Variants in HRH1 observed in about 807,000 individuals in gnomAD.
HRH1 encodes the protein histamine H1 receptor.
In HRH1, 6 loss-of-function variants were observed where a neutral mutation model predicts 10.3. The ratio of observed to expected loss-of-function variants is 0.58; its 90% confidence interval spans 0.32 to 1.15. The LOEUF (loss-of-function observed/expected upper bound fraction) is 1.15, where lower values mean the gene tolerates loss of function less well. Among genes scored for constraint, HRH1 ranks in the 50% most tolerant of loss-of-function variants. The probability of loss-of-function intolerance (pLI) is 0.05; values close to 1 mark genes in which losing one functional copy is unlikely to be tolerated. For synonymous variants in HRH1, 242 were observed against 236.7 expected (o/e 1.02, Z -0.21); for missense variants, 514 against 615.3 (o/e 0.84, Z 1.74).
intron 1 of HRH1, among the ~76,000 whole-genome samples, chr3:11,230,818 A>G (rs1477459638): frequency 2.6e-5 from 4 of 152,070 alleles, no homozygotes; most frequent in Non-Finnish European, 4.4e-5. Flanking sequence ...TAAGCCTTTT[A>G]GGAACACTCA....
chr3:11,197,202 G>A (rs1369628967), intron 1 of HRH1, among the ~76,000 whole-genome samples: 1 of 151,510 alleles, frequency 6.6e-6, no homozygotes, highest in African/African-American at 2.4e-5. Flanking sequence ...AAGATCCCCC[G>A]GTGATTCATG....
At chr3:11,166,318 C>T (rs1247184841) in intron 1 of HRH1, among the ~76,000 whole-genome samples, 1 of 152,220 alleles carries the variant, frequency 6.6e-6, no homozygotes, top group Non-Finnish European at 1.5e-5. Flanking sequence ...GAGAAACGCT[C>T]TTCCCAAGTT....
chr3:11,240,361 A>G (rs1454038497), intron 1 of HRH1, among the ~76,000 whole-genome samples: 1 of 152,024 alleles, frequency 6.6e-6, no homozygotes, highest in Non-Finnish European at 1.5e-5. Context: ...AAAACTCCAG[A>G]TTTTGTGTTT....
intron 1 of HRH1, among the ~76,000 whole-genome samples, chr3:11,212,326 A>G (rs1366434236): frequency 1.3e-5 from 2 of 152,164 alleles, no homozygotes; most frequent in African/African-American, 4.8e-5. Context: ...TCACTTTCAG[A>G]TGGGTTCTTT....
chr3:11,179,309 T>C (rs1196485602), intron 1 of HRH1, among the ~76,000 whole-genome samples: 2 of 146,688 alleles, frequency 1.4e-5, no homozygotes, highest in African/African-American at 5.1e-5. Context: ...TAAATAAAAT[T>C]TAAAAAATTT....
intron 1 of HRH1, among the ~76,000 whole-genome samples, chr3:11,191,883 T>C (rs1451497811): frequency 6.6e-6 from 1 of 152,200 alleles, no homozygotes; most frequent in Non-Finnish European, 1.5e-5. Context: ...AATGACCCCA[T>C]GTATTTCCAA....
At chr3:11,167,638 G>A (rs1227616946) in intron 1 of HRH1, among the ~76,000 whole-genome samples, 2 of 152,242 alleles carry the variant, frequency 1.3e-5, no homozygotes, top group East Asian at 3.8e-4. Context: ...CAATCAATTG[G>A]TACCTCCCTG....
At chr3:11,240,602 G>T (rs1198321521) in intron 1 of HRH1, among the ~76,000 whole-genome samples, 2 of 151,278 alleles carry the variant, frequency 1.3e-5, no homozygotes, top group Non-Finnish European at 2.9e-5. Flanking sequence ...TGCCCGCAAG[G>T]TCATCTGCCT....
At chr3:11,143,658 AT>A (rs1936340142) in intron 1 of HRH1, among the ~76,000 whole-genome samples, 1 of 152,112 alleles carries the variant, frequency 6.6e-6, no homozygotes, top group African/African-American at 2.4e-5. Context: ...AGAGTAGTAG[AT>A]GAATGGTGAC....
At chr3:11,172,765 G>C (rs1248947738) in intron 1 of HRH1, among the ~76,000 whole-genome samples, 6 of 148,356 alleles carry the variant, frequency 4.0e-5, no homozygotes, top group Non-Finnish European at 8.9e-5. Context: ...TGCAGTAGGC[G>C]ATCTCGGCTC....
At chr3:11,164,813 A>G (rs1936998101) in intron 1 of HRH1, among the ~76,000 whole-genome samples, 2 of 152,232 alleles carry the variant, frequency 1.3e-5, no homozygotes, top group South Asian at 4.1e-4. Flanking sequence ...AGACGCAGGA[A>G]TTTTGAGCAG....
chr3:11,142,234 A>C (rs559656731), intron 1 of HRH1, among the ~76,000 whole-genome samples: 1 of 152,236 alleles, frequency 6.6e-6, no homozygotes, highest in Admixed American at 6.5e-5. Context: ...CTGACCTTAG[A>C]GGCAGGAGTC....
At position 11,259,136 on chromosome 3, in the gene HRH1, C is replaced by T. The variant is rs757397680; in HGVS notation, c.99C>T (p.Val33=). Residue 33 remains valine, a synonymous_variant, in exon 2 of 2, where the codon GTC becomes GTT. Transcript: ENST00000431010. The surrounding 1 kb of genome is among the most constrained non-coding windows in gnomAD (Gnocchi z 4.6). ...ASPQLMPLVV[V]LSTICLVTVG... Reference sequence around the variant, plus strand: ...CCCAGCTGATGCCCCTGGTGGTGGTCCTGAGCACTATCTGCTTGGTCACAG... The same window carrying T: ...CCCAGCTGATGCCCCTGGTGGTGGTTCTGAGCACTATCTGCTTGGTCACAG... 1.9e-6 allele frequency: 3 copies of T among 1,614,040 alleles called. No homozygotes were observed. Among genetic ancestry groups the T allele is most frequent in the South Asian group, 1.1e-5 (1 of 91,072 alleles).
At chr3:11,258,003 A>T (rs1338222550) in intron 1 of HRH1, among the ~76,000 whole-genome samples, 1 of 152,138 alleles carries the variant, frequency 6.6e-6, no homozygotes, top group African/African-American at 2.4e-5. Flanking sequence ...GTTACATATT[A>T]CTTGGCATGA....
intron 1 of HRH1, among the ~76,000 whole-genome samples, chr3:11,218,198 G>A (rs551793750): frequency 6.6e-6 from 1 of 152,274 alleles, no homozygotes; most frequent in African/African-American, 2.4e-5. Flanking sequence ...TGTAATCCCA[G>A]CACTTTGGGA....
chr3:11,236,948 A>G (rs891694636), intron 1 of HRH1, among the ~76,000 whole-genome samples: 7 of 152,326 alleles, frequency 4.6e-5, no homozygotes, highest in Admixed American at 4.6e-4. Context: ...TTCTCCTGCC[A>G]GCTCTTTTAT....
intron 1 of HRH1, among the ~76,000 whole-genome samples, chr3:11,232,323 T>C (rs949391106): frequency 4.6e-5 from 7 of 152,182 alleles, no homozygotes; most frequent in Admixed American, 3.9e-4. Flanking sequence ...GTTTAGGTTG[T>C]TCATTTTTTG....
At chr3:11,176,065 C>T (rs555120095) in intron 1 of HRH1, among the ~76,000 whole-genome samples, 5 of 151,398 alleles carry the variant, frequency 3.3e-5, no homozygotes, top group Non-Finnish European at 5.9e-5. Flanking sequence ...CCCAGCTACT[C>T]GGGAGGCTGA....
At chr3:11,188,462 C>T (rs548787504) in intron 1 of HRH1, among the ~76,000 whole-genome samples, 4 of 152,094 alleles carry the variant, frequency 2.6e-5, no homozygotes, top group South Asian at 2.1e-4. Context: ...GGCTGAAGCA[C>T]GAGAATTACT....
Sources: allele counts gnomAD v4.1 joint callset (sites outside exome capture counted in the v4.1 genomes callset), GRCh38; gene constraint gnomAD v4.1.1; non-coding constraint Gnocchi (gnomAD v3.1); transcripts MANE v1.5; gene names NCBI Gene and HGNC (gene_info 2026-07-23, HGNC 2026-07-21).